The following DDX31 variants were observed in gnomAD, a reference collection of about 807,000 sequenced individuals.
DDX31 encodes ATP-dependent DNA helicase DDX31.
Under a neutral mutation model 91.3 loss-of-function variants are expected in DDX31, and 70 were observed. That is an observed-to-expected ratio of 0.77 (90% CI 0.63 to 0.94). The LOEUF is 0.94. Ranked by LOEUF, DDX31 falls within the 40% of genes least tolerant of loss-of-function variation. DDX31 has a pLI of 0.00. For synonymous variants in DDX31, 362 were observed against 350.6 expected (o/e 1.03, Z -0.36); for missense variants, 902 against 925.0 (o/e 0.98, Z 0.32).
At chr9:132,669,562 G>A in intron 1 of DDX31, 2 of 1,457,306 alleles carry the variant, frequency 1.4e-6, no homozygotes, top group Non-Finnish European at 9.1e-7. Flanking sequence ...CGGAACTTCA[G>A]GTCCTACCTT....
intron 6 of DDX31, among the ~76,000 whole-genome samples, chr9:132,656,577 C>T (rs1053798779): frequency 2.0e-5 from 3 of 152,176 alleles, no homozygotes; most frequent in African/African-American, 7.2e-5. Context: ...CCCTGTGCCA[C>T]AGCAAAGGCA....
chr9:132,663,204 AGCGGAAAC>A lies in DDX31; in HGVS notation c.76-517_76-510del, dbSNP rs1835096255. 3 of 1,289,268 alleles carry A rather than the reference AGCGGAAAC, an allele frequency of 2.3e-6. No homozygotes were observed. In the Admixed American group the frequency reaches 6.9e-5, roughly 30 times the overall value. The allele number at this position is 1,289,268 out of a possible 1,614,324, so 79.9% of individuals were successfully genotyped here. On this transcript the variant is annotated intron_variant, in intron 1 of 19. Transcript: ENST00000372159. The stretch of plus-strand genomic sequence containing the variant: ...TGCGCATCTCAGCCCGTGCCCAGGA[AGCGGAAAC>A]ATTCATTACCATTCTACCCTAGCGC...
At chr9:132,628,119 A>G (rs565092782) in intron 16 of DDX31, among the ~76,000 whole-genome samples, 1 of 152,354 alleles carries the variant, frequency 6.6e-6, no homozygotes, top group Admixed American at 6.5e-5. Flanking sequence ...ATTGGGAAGA[A>G]CAATGCATGA....
At chr9:132,637,922 G>C (rs903716316) in intron 14 of DDX31, 9 of 996,492 alleles carry the variant, frequency 9.0e-6, no homozygotes, top group Non-Finnish European at 1.1e-5. Context: ...CTTCACAGCC[G>C]TATCTCCTTT....
chr9:132,619,627 T>C (rs1831880286), intron 17 of DDX31, among the ~76,000 whole-genome samples: 1 of 152,212 alleles, frequency 6.6e-6, no homozygotes, highest in Non-Finnish European at 1.5e-5. Flanking sequence ...GTCAAATCAT[T>C]CCTGCTACCT....
At chr9:132,632,757 G>T (rs1425793323) in intron 14 of DDX31, among the ~76,000 whole-genome samples, 2 of 152,194 alleles carry the variant, frequency 1.3e-5, no homozygotes, top group East Asian at 3.9e-4. Flanking sequence ...TAGAATACAG[G>T]CCAAGCCCAT....
At chr9:132,652,701 AG>A (rs1262795456) in intron 6 of DDX31, among the ~76,000 whole-genome samples, 3 of 152,110 alleles carry the variant, frequency 2.0e-5, no homozygotes, top group Admixed American at 1.3e-4. Flanking sequence ...CACATGTTGT[AG>A]GAGGAAGGGC....
intron 19 of DDX31, among the ~76,000 whole-genome samples, chr9:132,611,269 T>C (rs979052281): frequency 1.3e-5 from 2 of 152,210 alleles, no homozygotes; most frequent in Admixed American, 1.3e-4. Context: ...AAAAAGTCTC[T>C]GTGCCCCAAA....
In DDX31 at chr9:132,648,640, C is replaced by T; in HGVS notation, c.741-89G>A. 2.0e-6 allele frequency: 3 copies of T among 1,477,844 alleles called. 1 individual carries two copies. The highest frequency in any genetic ancestry group is 2.7e-5 in the South Asian group (2 of 73,362). 91.5% of individuals were successfully genotyped at this position (1,477,844 alleles called of 1,614,324 possible). A position where few individuals can be genotyped will look rare whatever the true frequency, so the allele number is the denominator to read the frequency against. On this transcript the variant is annotated intron_variant, in intron 9 of 19. Coordinates refer to ENST00000372159, the MANE Select transcript of DDX31 (RefSeq NM_022779.9). ...AGGAAAAAGGCAAAATAGACAGACT[C>T]ATTTCATGTACAGTGCAAACGTGCC...
intron 17 of DDX31, among the ~76,000 whole-genome samples, chr9:132,619,409 AGAGT>A (rs933201150): frequency 2.0e-5 from 3 of 152,148 alleles, no homozygotes; most frequent in Non-Finnish European, 4.4e-5. Context: ...GGGAAAATCC[AGAGT>A]GAGACCGGGT....
At position 132,646,725 on chromosome 9, in the gene DDX31, C is replaced by CT. The variant is rs1590067733; in HGVS notation, c.1203+97dup. 3 of 1,173,290 alleles carry CT rather than the reference C, an allele frequency of 2.6e-6. No individual in the cohort carries two copies. The East Asian group carries it at 7.0e-5, about 28-fold the overall frequency. The allele number at this position is 1,173,290 out of a possible 1,614,324, so 72.7% of individuals were successfully genotyped here. On this transcript the variant is annotated intron_variant, in intron 12 of 19. Transcript: ENST00000372159. ...AATGCAGACATAAGTTGGAAAACCTCTGATTTTTGGTGTCTCAACTCATTG... is the reference window on the plus strand; with the variant it reads ...AATGCAGACATAAGTTGGAAAACCTCTTGATTTTTGGTGTCTCAACTCATTG...
intron 19 of DDX31, among the ~76,000 whole-genome samples, chr9:132,600,857 C>T (rs1830686439): frequency 6.6e-6 from 1 of 152,188 alleles, no homozygotes; most frequent in Non-Finnish European, 1.5e-5. Flanking sequence ...GTCACAGCAG[C>T]TTTCTCCAAG....
chr9:132,657,906 T>C (rs1424464059), intron 6 of DDX31, among the ~76,000 whole-genome samples: 1 of 152,254 alleles, frequency 6.6e-6, no homozygotes, highest in African/African-American at 2.4e-5. Flanking sequence ...TAGCCCAATT[T>C]GTCCTCATAT....
At chr9:132,641,822 G>A (rs111245488) in intron 14 of DDX31, among the ~76,000 whole-genome samples, 182 bp downstream of exon 14, 13 of 152,292 alleles carry the variant, frequency 8.5e-5, no homozygotes, top group African/African-American at 3.1e-4. Context: ...GGTGGTGGCT[G>A]GCTATCTGCA....
intron 13 of DDX31, among the ~76,000 whole-genome samples, 156 bp from the exon 14 acceptor site, chr9:132,642,219 T>A (rs960112403): frequency 6.6e-6 from 1 of 152,154 alleles, no homozygotes; most frequent in African/African-American, 2.4e-5. Flanking sequence ...ATTCTTTACA[T>A]CTTCTAAGAT....
intron 6 of DDX31, chr9:132,658,328 C>G: frequency 1.4e-6 from 1 of 703,272 alleles, no homozygotes; most frequent in South Asian, 1.5e-5. Flanking sequence ...AGCCTCTGTT[C>G]TTCTTCGTAA....
chr9:132,650,431 G>GTCTGCACAATAA, intron 8 of DDX31, 133 bp from the exon 9 acceptor site: 2 of 807,078 alleles, frequency 2.5e-6, no homozygotes, highest in African/African-American at 1.7e-5. Flanking sequence ...GTGTTATTGT[G>GTCTGCACAATAA]CAGACACAAT....
At chr9:132,602,315 G>A (rs990353409) in intron 19 of DDX31, among the ~76,000 whole-genome samples, 3 of 152,192 alleles carry the variant, frequency 2.0e-5, no homozygotes, top group Non-Finnish European at 2.9e-5. Flanking sequence ...GGCCAGGCTG[G>A]GCAGACTCAG....
chr9:132,619,068 G>C (rs1030051313), intron 17 of DDX31, among the ~76,000 whole-genome samples: 2 of 152,184 alleles, frequency 1.3e-5, no homozygotes, highest in African/African-American at 4.8e-5. Flanking sequence ...AGACTGCCTG[G>C]ATCTTTGCAG....
Sources: gnomAD v4.1 joint callset for allele counts (sites outside exome capture counted in the v4.1 genomes callset) on GRCh38, gnomAD v4.1.1 for gene constraint, MANE v1.5 for transcripts, NCBI Gene and HGNC (gene_info 2026-07-23, HGNC 2026-07-21) for gene names.